Variants in ZNF578 observed in about 807,000 individuals in gnomAD.
ZNF578 encodes the protein zinc finger protein 578, also known as Putative chemokine-related protein B42.
A neutral mutation model predicts 8.3 loss-of-function variants in ZNF578; 8 were observed. The observed-to-expected ratio is 0.96, with a 90% confidence interval of 0.56 to 1.74. ZNF578 has a LOEUF of 1.74. ZNF578 is among the 40% of genes most tolerant of loss of function. ZNF578 has a pLI of 0.00. For missense variants in ZNF578, 726 were observed against 707.5 expected, an observed-to-expected ratio of 1.03 and a Z score of -0.30; for synonymous variants, 206 against 232.2, an observed-to-expected ratio of 0.89 and a Z score of 1.03.
At chr19:52,459,612 T>TACACACACACACACAC (rs71180468) in intron 2 of ZNF578, among the ~76,000 whole-genome samples, 5 of 118,780 alleles carry the variant, frequency 4.2e-5, no homozygotes, top group African/African-American at 1.3e-4. Flanking sequence ...AATGTGTATG[T>TACACACACACACACAC]ACACACACAC....
intron 5 of ZNF578, 90 bp downstream of exon 5, chr19:52,504,871 C>T: frequency 6.7e-7 from 1 of 1,503,276 alleles, no homozygotes. Context: ...GATTTTGCCC[C>T]ATACGTGGTT....
intron 2 of ZNF578, among the ~76,000 whole-genome samples, chr19:52,471,209 T>C (rs2059290744): frequency 6.6e-6 from 1 of 152,182 alleles, no homozygotes; most frequent in Admixed American, 6.5e-5. Context: ...TACCCAGTGT[T>C]AGATATTTCT....
At chr19:52,477,338 A>G (rs1651533) in intron 2 of ZNF578, among the ~76,000 whole-genome samples, 15,645 of 152,072 alleles carry the variant, frequency 0.1, 1,393 homozygotes, top group East Asian at 0.33. Context: ...GGTCTGAAAT[A>G]TGAATGCCCT....
intron 2 of ZNF578, among the ~76,000 whole-genome samples, chr19:52,485,504 A>C (rs1309534140): frequency 6.6e-6 from 1 of 152,220 alleles, no homozygotes; most frequent in East Asian, 1.9e-4. Context: ...GGCTGAGCTC[A>C]GCCTGTGATC....
At chr19:52,454,977 C>T (rs773717727) in intron 1 of ZNF578, 3 of 152,150 alleles carry the variant, frequency 2.0e-5, no homozygotes, top group African/African-American at 7.2e-5. Flanking sequence ...TTGTAACAGG[C>T]TCACTTACCT....
intron 2 of ZNF578, among the ~76,000 whole-genome samples, chr19:52,478,698 C>CATTTT (rs1329088784): frequency 1.3e-5 from 2 of 151,964 alleles, no homozygotes; most frequent in South Asian, 2.1e-4. Flanking sequence ...TTGATGAGCC[C>CATTTT]ATTTTATTTT....
At chr19:52,503,059 T>C (rs924119010) in intron 4 of ZNF578, among the ~76,000 whole-genome samples, 1 of 152,030 alleles carries the variant, frequency 6.6e-6, no homozygotes, top group African/African-American at 2.4e-5. Context: ...ACCCAGCTAG[T>C]TTTTGTACTT....
At chr19:52,476,320 A>C (rs1361117843) in intron 2 of ZNF578, among the ~76,000 whole-genome samples, 1 of 152,112 alleles carries the variant, frequency 6.6e-6, no homozygotes, top group Admixed American at 6.5e-5. Context: ...TCCTGCATCC[A>C]ATTGCTCTTT....
At chr19:52,508,970 C>T (rs1411320097) in intron 5 of ZNF578, among the ~76,000 whole-genome samples, 1 of 135,356 alleles carries the variant, frequency 7.4e-6, no homozygotes, top group Non-Finnish European at 1.5e-5. Context: ...GGCACGATCT[C>T]GGCTCACTGC....
chr19:52,511,511 G>A lies in ZNF578; in HGVS notation c.1130G>A (p.Gly377Asp). Residue 377 changes from glycine to aspartate, a missense_variant, in exon 6 of 6, where the codon GGC becomes GAC. Transcript: ENST00000421239. ...GIKPYKCNEC[G>D]KMFGQNSTLV... is the part of the protein sequence containing the mutation. The stretch of plus-strand genomic sequence containing the variant: ...AAACCTTACAAGTGTAATGAGTGTG[G>A]CAAGATGTTTGGTCAAAATTCAACC... The A allele has an allele frequency of 6.2e-7, 1 of 1,613,714 alleles. No homozygotes were observed. The highest frequency in any genetic ancestry group is 1.6e-4 in the Middle Eastern group (1 of 6,062).
intron 5 of ZNF578, among the ~76,000 whole-genome samples, chr19:52,506,930 A>G (rs2115372): frequency 0.3 from 46,224 of 152,006 alleles, 7,329 homozygotes; most frequent in East Asian, 0.52. Flanking sequence ...CCCTTTTCCT[A>G]TCTCACTCAT....
chr19:52,457,606 C>A (rs1403156238), intron 2 of ZNF578: 1 of 29,160 alleles, frequency 3.4e-5, no homozygotes, highest in Non-Finnish European at 2.1e-4. Flanking sequence ...CTCGTGGGAT[C>A]TGACGTCTCC....
At position 52,497,213 on chromosome 19, in the gene ZNF578, C is replaced by T. The variant is rs1425216349; in HGVS notation, c.-19-4614C>T. ...CTCCCAGGGTCAAGCGATTCTCCTG[C>T]CTCAGCCTCCTGAGTAGCTGGGATT... On this transcript the variant is annotated intron_variant, in intron 3 of 5. Coordinates refer to ENST00000421239, the MANE Select transcript of ZNF578 (RefSeq NM_001099694.2). 1.4e-4 allele frequency among the ~76,000 whole-genome samples: 21 copies of T among 152,308 alleles called. No individual in the cohort carries two copies. The East Asian group carries it at 4.1e-3, about 29-fold the overall frequency.
chr19:52,460,428 T>A (rs1313841390), intron 2 of ZNF578, among the ~76,000 whole-genome samples: 1 of 152,220 alleles, frequency 6.6e-6, no homozygotes, highest in Non-Finnish European at 1.5e-5. Flanking sequence ...TATCATGTGC[T>A]TGTTGGCCAT....
chr19:52,505,421 TTTG>T (rs869178298), intron 5 of ZNF578, among the ~76,000 whole-genome samples: 1 of 151,652 alleles, frequency 6.6e-6, no homozygotes, highest in South Asian at 2.1e-4. Context: ...TGTTTGTTTG[TTTG>T]TTTTTTGTTT....
intron 2 of ZNF578, among the ~76,000 whole-genome samples, chr19:52,479,144 C>T (rs1427734860): frequency 6.6e-6 from 1 of 152,124 alleles, no homozygotes; most frequent in Non-Finnish European, 1.5e-5. Context: ...GACAACTAAC[C>T]TGAGCCACAG....
At chr19:52,464,490 T>G (rs2059268416) in intron 2 of ZNF578, among the ~76,000 whole-genome samples, 1 of 152,186 alleles carries the variant, frequency 6.6e-6, no homozygotes, top group Non-Finnish European at 1.5e-5. Flanking sequence ...TTAAAGAATT[T>G]TTTCTAATTT....
At position 52,514,953 on chromosome 19, in the gene ZNF578, G is replaced by T. The variant is rs573196342; in HGVS notation, c.*2799G>T. On this transcript the variant is annotated 3_prime_UTR_variant, in exon 6 of 6. Transcript: ENST00000421239. ...TGGGATTACAGGCATGAGCTACCAC[G>T]TCGAGACTCTTTTTTTTTTTTTTTT... 7.0e-6 allele frequency among the ~76,000 whole-genome samples: 1 copy of T among 142,658 alleles called. No individual in the cohort carries two copies. Among genetic ancestry groups the T allele is most frequent in the Non-Finnish European group, 1.5e-5 (1 of 66,686 alleles). The allele number at this position is 142,658 out of a possible 152,430, so 93.6% of individuals were successfully genotyped here. A position where few individuals can be genotyped will look rare whatever the true frequency, so the allele number is the denominator to read the frequency against.
At chr19:52,470,305 A>G (rs1366468394) in intron 2 of ZNF578, among the ~76,000 whole-genome samples, 1 of 152,172 alleles carries the variant, frequency 6.6e-6, no homozygotes, top group Non-Finnish European at 1.5e-5. Flanking sequence ...CTCAAGTCCC[A>G]GTGGCTGCTA....
Sources: allele counts gnomAD v4.1 joint callset (sites outside exome capture counted in the v4.1 genomes callset), GRCh38; gene constraint gnomAD v4.1.1; transcripts MANE v1.5; gene names NCBI Gene and HGNC (gene_info 2026-07-23, HGNC 2026-07-21).